The following SUMF1 variants were observed in gnomAD, a reference collection of about 807,000 sequenced individuals.
SUMF1 encodes the protein sulfatase modifying factor 1, also known as formylglycine-generating enzyme.
Under a neutral mutation model 47.6 loss-of-function variants are expected in SUMF1, and 48 were observed. The observed-to-expected ratio is 1.01, with a 90% CI of 0.80 to 1.28. The LOEUF (loss-of-function observed/expected upper bound fraction) is 1.28. SUMF1 is among the 50% of genes most tolerant of loss of function. SUMF1 has a pLI of 0.00. For synonymous variants in SUMF1, 230 were observed against 192.1 expected (o/e 1.20, Z -1.63); for missense variants, 571 against 485.4 (o/e 1.18, Z -1.66).
intron 9 of SUMF1, among the ~76,000 whole-genome samples, chr3:4,057,191 T>A (rs1695208101): frequency 6.6e-6 from 1 of 152,122 alleles, no homozygotes; most frequent in South Asian, 2.1e-4. Flanking sequence ...CCAGCTGCAC[T>A]CAGATGGGAA....
chr3:4,091,578 C>A (rs1159013218), intron 8 of SUMF1, among the ~76,000 whole-genome samples: 1 of 152,072 alleles, frequency 6.6e-6, no homozygotes, highest in Admixed American at 6.6e-5. Flanking sequence ...GACAAAAAAC[C>A]TGTTGCAGCC....
chr3:4,246,471 G>A lies in SUMF1; in HGVS notation c.1014+129859C>T, dbSNP rs560424845. On this transcript the variant is annotated intron_variant and NMD_transcript_variant, in intron 8 of 12. Transcript: ENST00000448413. ...GGCTGGAGTACAGTGGCACAATCTC[G>A]GCTCACCATAACCTCTGCCTCCCAG... Among the ~76,000 whole-genome samples the A allele has an allele frequency of 2.6e-5, 4 of 151,914 alleles. No homozygotes were observed. In the South Asian group the frequency reaches 8.4e-4, roughly 32 times the overall value.
At chr3:4,303,929 C>G (rs959418974) in intron 8 of SUMF1, 2 of 1,168,090 alleles carry the variant, frequency 1.7e-6, no homozygotes, top group East Asian at 6.7e-5. Context: ...AAAAACAGCC[C>G]CTCGAGTCAG....
chr3:4,304,550 A>G (rs1698105662), intron 8 of SUMF1, among the ~76,000 whole-genome samples: 1 of 152,206 alleles, frequency 6.6e-6, no homozygotes, highest in South Asian at 2.1e-4. Context: ...GTTGGAGAGT[A>G]TGGTTCGGAG....
chr3:4,137,136 G>T (rs537447663), intron 8 of SUMF1, among the ~76,000 whole-genome samples: 1 of 151,974 alleles, frequency 6.6e-6, no homozygotes, highest in Non-Finnish European at 1.5e-5. Context: ...ATACCCAAAG[G>T]ATTATAAATC....
intron 3 of SUMF1, among the ~76,000 whole-genome samples, chr3:4,447,535 G>A (rs553365981): frequency 1.6e-4 from 25 of 151,648 alleles, no homozygotes; most frequent in South Asian, 6.3e-4. Context: ...AATTTACCTC[G>A]TAGGCCAACT....
intron 7 of SUMF1, among the ~76,000 whole-genome samples, chr3:4,397,171 A>C (rs561117797): frequency 6.6e-6 from 1 of 152,364 alleles, no homozygotes; most frequent in Admixed American, 6.5e-5. Context: ...TTTCAGATGG[A>C]TTAGATCTAA....
chr3:4,457,314 G>A (rs1240525849), intron 1 of SUMF1, among the ~76,000 whole-genome samples: 1 of 151,804 alleles, frequency 6.6e-6, no homozygotes, highest in East Asian at 1.9e-4. Context: ...AGGATTCAAT[G>A]TAATTTCTAT....
At chr3:4,395,174 G>A (rs1010988311) in intron 7 of SUMF1, among the ~76,000 whole-genome samples, 6 of 152,222 alleles carry the variant, frequency 3.9e-5, no homozygotes, top group African/African-American at 1.4e-4. Context: ...GGTAGCAAGC[G>A]AGAGAACCAG....
intron 8 of SUMF1, among the ~76,000 whole-genome samples, chr3:4,115,129 G>C (rs1161650700): frequency 6.6e-6 from 1 of 151,998 alleles, no homozygotes; most frequent in Non-Finnish European, 1.5e-5. Context: ...TGGACCTCGA[G>C]AGGAGCAGAG....
intron 8 of SUMF1, among the ~76,000 whole-genome samples, chr3:4,371,210 G>T (rs1171950470): frequency 1.3e-5 from 2 of 152,116 alleles, no homozygotes; most frequent in Non-Finnish European, 2.9e-5. Context: ...GGTTCTTAAG[G>T]ATGTGAGGTC....
At chr3:4,439,838 C>G (rs1278969032) in intron 3 of SUMF1, among the ~76,000 whole-genome samples, 3 of 151,886 alleles carry the variant, frequency 2.0e-5, no homozygotes, top group African/African-American at 7.3e-5. Flanking sequence ...CTGGCAGAAG[C>G]CACTGCACCC....
chr3:4,300,163 T>G (rs949748221), intron 8 of SUMF1, among the ~76,000 whole-genome samples: 6 of 152,194 alleles, frequency 3.9e-5, no homozygotes, highest in Non-Finnish European at 8.8e-5. Context: ...GAGTTAATTC[T>G]CACAAGATCC....
At chr3:4,252,512 C>G (rs899361442) in intron 8 of SUMF1, among the ~76,000 whole-genome samples, 5 of 152,210 alleles carry the variant, frequency 3.3e-5, no homozygotes, top group African/African-American at 1.2e-4. Flanking sequence ...AAATCAAACC[C>G]TGAGTGGCAA....
At chr3:4,240,516 T>TAGA (rs10625406) in intron 8 of SUMF1, among the ~76,000 whole-genome samples, 106,149 of 151,562 alleles carry the variant, frequency 0.7, 38,702 homozygotes, top group African/African-American at 0.92. Context: ...GCTTTGCTTT[T>TAGA]AGATGATTTT....
At chr3:4,175,190 G>A (rs1694930653) in intron 8 of SUMF1, among the ~76,000 whole-genome samples, 1 of 152,184 alleles carries the variant, frequency 6.6e-6, no homozygotes, top group African/African-American at 2.4e-5. Flanking sequence ...GTTTCTCCCA[G>A]CATGGCGTTT....
At chr3:4,199,803 A>G (rs569444323) in intron 8 of SUMF1, among the ~76,000 whole-genome samples, 1 of 152,130 alleles carries the variant, frequency 6.6e-6, no homozygotes, top group African/African-American at 2.4e-5. Flanking sequence ...GTTTTTGCCT[A>G]TTTTTTAATT....
At chr3:4,201,007 T>C (rs943329473) in intron 8 of SUMF1, among the ~76,000 whole-genome samples, 29 of 152,140 alleles carry the variant, frequency 1.9e-4, no homozygotes, top group Admixed American at 1.8e-3. Flanking sequence ...TAATTTTTTA[T>C]AGGTACCTAG....
chr3:4,141,970 C>A (rs1283155079), intron 8 of SUMF1, among the ~76,000 whole-genome samples: 1 of 152,054 alleles, frequency 6.6e-6, no homozygotes, highest in Non-Finnish European at 1.5e-5. Context: ...AGAATGTTGA[C>A]CAGGGGTTGC....
Sources: allele counts gnomAD v4.1 joint callset (sites outside exome capture counted in the v4.1 genomes callset), GRCh38; gene constraint gnomAD v4.1.1; transcripts MANE v1.5; gene names NCBI Gene and HGNC (gene_info 2026-07-23, HGNC 2026-07-21).